The following GDPD5 variants were observed in gnomAD, a reference collection of about 807,000 sequenced individuals.
The protein encoded by GDPD5 is glycerophosphodiester phosphodiesterase domain containing 5.
GDPD5 carries 48 observed loss-of-function variants against 75.1 expected under a neutral mutation model. The ratio of observed to expected loss-of-function variants is 0.64; its 90% CI spans 0.51 to 0.81. The LOEUF (loss-of-function observed/expected upper bound fraction) is 0.81, where lower values mean the gene tolerates loss of function less well. Among genes scored for constraint, GDPD5 ranks in the 40% least tolerant of loss-of-function variants. The pLI is 0.00. For missense variants in GDPD5, 706 were observed against 822.6 expected, an observed-to-expected ratio of 0.86 and a Z score of 1.73; for synonymous variants, 336 against 339.0, an observed-to-expected ratio of 0.99 and a Z score of 0.10.
chr11:75,454,762 T>C (rs1263963421), intron 6 of GDPD5, among the ~76,000 whole-genome samples: 1 of 152,278 alleles, frequency 6.6e-6, no homozygotes, highest in Non-Finnish European at 1.5e-5. Flanking sequence ...TACATGTGCA[T>C]GTGCTTAAAA....
intron 13 of GDPD5, 95 bp downstream of exon 13, chr11:75,441,551 T>G: frequency 8.5e-7 from 1 of 1,176,170 alleles, no homozygotes; most frequent in Non-Finnish European, 1.2e-6. Context: ...ACCGTGTGTG[T>G]GTGTGTGTGT....
chr11:75,477,288 T>TTGCC (rs1185428968), intron 3 of GDPD5, among the ~76,000 whole-genome samples: 3 of 152,184 alleles, frequency 2.0e-5, no homozygotes, highest in African/African-American at 7.2e-5. Flanking sequence ...ACCTGCCTGT[T>TTGCC]TGCCTGCCTG....
intron 1 of GDPD5, among the ~76,000 whole-genome samples, chr11:75,493,226 ATC>A (rs1491115386): frequency 6.6e-5 from 5 of 75,970 alleles, no homozygotes; most frequent in Non-Finnish European, 8.6e-5. Context: ...GCCCCCACAC[ATC>A]TCACACACAC....
intron 2 of GDPD5, among the ~76,000 whole-genome samples, chr11:75,489,014 G>T (rs889846314): frequency 1.3e-5 from 2 of 152,152 alleles, no homozygotes; most frequent in Non-Finnish European, 2.9e-5. Flanking sequence ...CACCAAGGAG[G>T]TACCTATTTA....
At chr11:75,494,976 T>C (rs1950184004) in intron 1 of GDPD5, among the ~76,000 whole-genome samples, 1 of 149,580 alleles carries the variant, frequency 6.7e-6, no homozygotes, top group African/African-American at 2.5e-5. Flanking sequence ...CAACAAAATA[T>C]ATATATATAG....
At chr11:75,446,334 C>G (rs912729383) in intron 9 of GDPD5, among the ~76,000 whole-genome samples, 5 of 145,654 alleles carry the variant, frequency 3.4e-5, no homozygotes, top group Admixed American at 3.4e-4. Context: ...CCTGGCCAGG[C>G]TCAGGACTCC....
At chr11:75,516,329 C>T (rs777880643) in intron 1 of GDPD5, among the ~76,000 whole-genome samples, 3 of 152,208 alleles carry the variant, frequency 2.0e-5, no homozygotes. Flanking sequence ...GCTAGTCCCT[C>T]GGTGCTGCAC....
At chr11:75,447,117 A>C (rs1949004681) in intron 9 of GDPD5, among the ~76,000 whole-genome samples, 1 of 152,152 alleles carries the variant, frequency 6.6e-6, no homozygotes, top group African/African-American at 2.4e-5. Context: ...TCCTGACCTC[A>C]GGTGATCTGC....
chr11:75,490,249 A>G lies in GDPD5; in HGVS notation c.-73T>C, dbSNP rs2135415693. On this transcript the variant is annotated 5_prime_UTR_variant, in exon 2 of 17. Transcript: ENST00000336898. Reference sequence around the variant, plus strand: ...CTTTTCTCTTTACCTGGAAGAAGGTACCGGTGGCTGTGAGCTGGGCTCCTG... The same window carrying G: ...CTTTTCTCTTTACCTGGAAGAAGGTGCCGGTGGCTGTGAGCTGGGCTCCTG... 2 of 152,372 alleles carry G rather than the reference A, an allele frequency of 1.3e-5. No homozygotes were observed. Among genetic ancestry groups the G allele is most frequent in the Non-Finnish European group, 2.9e-5 (2 of 68,082 alleles). 9.4% of individuals were successfully genotyped at this position (152,372 alleles called of 1,614,324 possible).
intron 4 of GDPD5, among the ~76,000 whole-genome samples, chr11:75,461,787 G>A (rs1242374336): frequency 1.3e-5 from 2 of 152,196 alleles, no homozygotes; most frequent in Non-Finnish European, 2.9e-5. Context: ...CAAAAGGAAG[G>A]AACAGCAATG....
At chr11:75,455,570 T>A (rs1447900109) in intron 6 of GDPD5, among the ~76,000 whole-genome samples, 2 of 152,194 alleles carry the variant, frequency 1.3e-5, no homozygotes, top group Non-Finnish European at 2.9e-5. Flanking sequence ...CTATTCCACA[T>A]CCGTCTTCTA....
chr11:75,449,953 C>A lies in GDPD5; in HGVS notation c.406G>T (p.Val136Leu), dbSNP rs1388870539. The A allele has an allele frequency of 4.3e-6, 7 of 1,613,792 alleles. No individual in the cohort carries two copies. The South Asian group carries it at 7.7e-5, about 18-fold the overall frequency. ...TGGGCCACGGCCGACATGGCCACCACCGTGGAAGCCAGGATGACCACCAGC... is the reference window on the plus strand; with the variant it reads ...TGGGCCACGGCCGACATGGCCACCAACGTGGAAGCCAGGATGACCACCAGC... ...IGLVVILAST[V>L]VAMSAVAQLW... The change falls in exon 7 of 17, where the codon GTG (valine) becomes TTG (leucine). Residue 136 changes from valine (V) to leucine (L), a missense_variant. By Grantham distance (32) the Val-to-Leu change is conservative (BLOSUM62 1). Transcript: ENST00000336898.
At chr11:75,473,854 T>G (rs1198038773) in intron 3 of GDPD5, among the ~76,000 whole-genome samples, 1 of 152,174 alleles carries the variant, frequency 6.6e-6, no homozygotes, top group African/African-American at 2.4e-5. Context: ...AAGCCTTCCC[T>G]GCCCCCAGGG....
At chr11:75,458,428 C>CT (rs1257488735) in intron 4 of GDPD5, among the ~76,000 whole-genome samples, 1 of 152,134 alleles carries the variant, frequency 6.6e-6, no homozygotes, top group African/African-American at 2.4e-5. Flanking sequence ...AATCCCAGCA[C>CT]TTGGGAGGCT....
chr11:75,525,013 C>A (rs1237072624), intron 1 of GDPD5, among the ~76,000 whole-genome samples, 197 bp downstream of exon 1: 1 of 152,180 alleles, frequency 6.6e-6, no homozygotes, highest in South Asian at 2.1e-4. Context: ...TTAGGCGGGG[C>A]GGGGCGGGGC....
chr11:75,491,902 C>T (rs997526767), intron 1 of GDPD5, among the ~76,000 whole-genome samples: 1 of 152,168 alleles, frequency 6.6e-6, no homozygotes, highest in Admixed American at 6.5e-5. Context: ...TCACAGCCAT[C>T]AAGCCCCTCC....
intron 1 of GDPD5, among the ~76,000 whole-genome samples, chr11:75,520,817 G>A (rs1021693339): frequency 3.3e-5 from 5 of 152,342 alleles, no homozygotes; most frequent in East Asian, 1.9e-4. Flanking sequence ...CAGTGACCCC[G>A]CTGTGGCCCG....
chr11:75,522,544 G>C (rs1021093123), intron 1 of GDPD5, among the ~76,000 whole-genome samples: 9 of 151,938 alleles, frequency 5.9e-5, no homozygotes, highest in African/African-American at 1.7e-4. Context: ...AGCTCAGCTA[G>C]CTTGGTTCCC....
At chr11:75,450,893 C>CA (rs1949127663) in intron 6 of GDPD5, 1 of 152,324 alleles carries the variant, frequency 6.6e-6, no homozygotes, top group African/African-American at 2.4e-5. Flanking sequence ...CAGTCAAAGC[C>CA]GCCACCTCCG....
Sources: allele counts gnomAD v4.1 joint callset (sites outside exome capture counted in the v4.1 genomes callset), GRCh38; gene constraint gnomAD v4.1.1; transcripts MANE v1.5; gene names NCBI Gene and HGNC (gene_info 2026-07-23, HGNC 2026-07-21).